The following KIRREL3 variants were observed in gnomAD, a reference collection of about 807,000 sequenced individuals.
KIRREL3 encodes kin of IRRE-like protein 3.
KIRREL3 carries 36 observed loss-of-function variants against 89.7 expected under a neutral mutation model. That is an observed-to-expected ratio of 0.40 (90% CI 0.31 to 0.53). The LOEUF is 0.53. Ranked by LOEUF, KIRREL3 falls within the 20% of genes least tolerant of loss-of-function variation. The probability of loss-of-function intolerance (pLI) is 0.49; values close to 1 mark genes in which losing one functional copy is unlikely to be tolerated. For missense variants in KIRREL3, 864 were observed against 1,056.6 expected (o/e 0.82, Z 2.53); for synonymous variants, 445 against 441.4 (o/e 1.01, Z -0.10).
At chr11:126,503,541 G>C (rs1039708322) in intron 4 of KIRREL3, among the ~76,000 whole-genome samples, 46 of 152,296 alleles carry the variant, frequency 3.0e-4, no homozygotes, top group African/African-American at 1.1e-3. Flanking sequence ...CCATGGGGAA[G>C]GAACCCAACC....
rs781644014 is a variant in KIRREL3 at position 126,987,634 on chromosome 11, C to T, written c.55+12821G>A. Among the ~76,000 whole-genome samples the T allele has an allele frequency of 6.6e-6, 1 of 152,182 alleles. No individual in the cohort carries two copies. The highest frequency in any genetic ancestry group is 1.5e-5 in the Non-Finnish European group (1 of 68,030). On this transcript the variant is annotated intron_variant, in intron 1 of 16. Transcript: ENST00000525144. This position sits in a 1 kb window ranked among gnomAD's most constrained non-coding sequence, Gnocchi z 4.6. Reference sequence around the variant, plus strand: ...AGGAGCATTGATATGGATTTGGAACCCAGGCATCAGCTGCCAAGGCTCTGT... The same window carrying T: ...AGGAGCATTGATATGGATTTGGAACTCAGGCATCAGCTGCCAAGGCTCTGT...
In KIRREL3 at chr11:126,908,285, A is replaced by G. The variant is rs527591999; in HGVS notation, c.55+92170T>C. 9.8e-5 allele frequency among the ~76,000 whole-genome samples: 15 copies of G among 152,336 alleles called. No homozygotes were observed. Among genetic ancestry groups the G allele is most frequent in the Middle Eastern group, 3.4e-3 (1 of 294 alleles). ...TTTGACATTCATGGATGCCAAGACT[A>G]AGAGATTTTTATGATCATTTTGTCC... On this transcript the variant is annotated intron_variant, in intron 1 of 16. Coordinates refer to ENST00000525144, the MANE Select transcript of KIRREL3 (RefSeq NM_032531.4). This position sits in a 1 kb window ranked among gnomAD's most constrained non-coding sequence, Gnocchi z 4.2.
rs766582578 is a variant in KIRREL3, at chr11:126,797,077, G to A, written c.55+203378C>T. 5.9e-5 allele frequency among the ~76,000 whole-genome samples: 9 copies of A among 152,170 alleles called. No homozygotes were observed. The highest frequency in any genetic ancestry group is 9.6e-5 in the African/African-American group (4 of 41,454). ...AGGAGCTGTCTGTTGCGGGAGGGAA[G>A]AAGAAGCCTCATTCAGATCCCCCAG... On this transcript the variant is annotated intron_variant, in intron 1 of 16. Transcript: ENST00000525144. This position sits in a 1 kb window ranked among gnomAD's most constrained non-coding sequence, Gnocchi z 4.9.
intron 1 of KIRREL3, among the ~76,000 whole-genome samples, chr11:126,982,861 G>A (rs1949755616): frequency 6.6e-6 from 1 of 152,194 alleles, no homozygotes; most frequent in Admixed American, 6.5e-5. Context: ...GACAGGAGGA[G>A]GCCAAGGTCT....
At chr11:126,599,952 A>G (rs531340608) in intron 1 of KIRREL3, among the ~76,000 whole-genome samples, 1 of 152,160 alleles carries the variant, frequency 6.6e-6, no homozygotes, top group Non-Finnish European at 1.5e-5. Context: ...CCTTCCCTTG[A>G]GTATGGGCTA....
Position 126,978,635 on chromosome 11 carries a change from G to C in KIRREL3, c.55+21820C>G, listed in dbSNP as rs917450185. ...GTCTACGTTCTCCCATGCTTCCCAG[G>C]CTTTAGCACCTGCTACTCCCTCTTC... On this transcript the variant is annotated intron_variant, in intron 1 of 16. Coordinates refer to ENST00000525144, the MANE Select transcript of KIRREL3 (RefSeq NM_032531.4). The surrounding 1 kb of genome is among the most constrained non-coding windows in gnomAD (Gnocchi z 4.2). 8.6e-5 allele frequency among the ~76,000 whole-genome samples: 13 copies of C among 152,036 alleles called. No homozygotes were observed. Among genetic ancestry groups the C allele is most frequent in the African/African-American group, 3.1e-4 (13 of 41,392 alleles).
chr11:126,695,789 G>A (rs1947070142), intron 1 of KIRREL3, among the ~76,000 whole-genome samples: 1 of 152,188 alleles, frequency 6.6e-6, no homozygotes, highest in Admixed American at 6.5e-5. Context: ...GATTCCTGAA[G>A]AATCTTCCTT....
intron 1 of KIRREL3, among the ~76,000 whole-genome samples, chr11:126,581,749 G>C (rs928108357): frequency 7.2e-5 from 11 of 152,116 alleles, no homozygotes; most frequent in Admixed American, 6.5e-4. Flanking sequence ...ACCATGTCCT[G>C]TAATAGACAG....
rs77160144 is a variant in KIRREL3, at chr11:126,838,603, A to G, written c.55+161852T>C. 8.5e-5 allele frequency among the ~76,000 whole-genome samples: 13 copies of G among 152,360 alleles called. No individual in the cohort carries two copies. In the East Asian group the frequency reaches 2.5e-3, roughly 29 times the overall value. Reference sequence around the variant, plus strand: ...GTGTGATTCTCAAAACCCTGAGTCCATATTCAGCATGGAGTATGAGTTCAA... The same window carrying G: ...GTGTGATTCTCAAAACCCTGAGTCCGTATTCAGCATGGAGTATGAGTTCAA... On this transcript the variant is annotated intron_variant, in intron 1 of 16. Transcript: ENST00000525144.
At chr11:126,803,127 G>C (rs1338072214) in intron 1 of KIRREL3, among the ~76,000 whole-genome samples, 2 of 152,226 alleles carry the variant, frequency 1.3e-5, no homozygotes, top group Non-Finnish European at 2.9e-5. Context: ...GCAGTGCCCA[G>C]TCTGAGGGGT....
chr11:126,711,551 G>C (rs1592000966), intron 1 of KIRREL3, among the ~76,000 whole-genome samples: 1 of 152,168 alleles, frequency 6.6e-6, no homozygotes, highest in East Asian at 1.9e-4. Flanking sequence ...GACAGAGCAA[G>C]ACTCCGTCTC....
chr11:126,452,844 G>A (rs1381128757), intron 7 of KIRREL3, among the ~76,000 whole-genome samples: 9 of 152,084 alleles, frequency 5.9e-5, no homozygotes, highest in Non-Finnish European at 1.0e-4. Flanking sequence ...CTCACATCTC[G>A]CCCAGCCGGT....
chr11:126,621,079 A>G (rs1396346545), intron 1 of KIRREL3, among the ~76,000 whole-genome samples: 1 of 152,192 alleles, frequency 6.6e-6, no homozygotes, highest in African/African-American at 2.4e-5. Context: ...CATTGCAGTT[A>G]ATTTTGGCAC....
intron 1 of KIRREL3, among the ~76,000 whole-genome samples, chr11:126,885,558 C>T (rs999629810): frequency 3.9e-5 from 6 of 152,118 alleles, no homozygotes; most frequent in African/African-American, 1.4e-4. Context: ...TCATCATTGT[C>T]AACCTCATCA....
At chr11:126,698,140 GC>G (rs1435865738) in intron 1 of KIRREL3, among the ~76,000 whole-genome samples, 1 of 152,172 alleles carries the variant, frequency 6.6e-6, no homozygotes, top group African/African-American at 2.4e-5. Flanking sequence ...CTAATTGTCT[GC>G]CCACACTAAT....
At chr11:126,774,304 G>C (rs929327412) in intron 1 of KIRREL3, among the ~76,000 whole-genome samples, 1 of 151,978 alleles carries the variant, frequency 6.6e-6, no homozygotes, top group Admixed American at 6.6e-5. Context: ...GAAGAAGGGG[G>C]AAAGAACTCC....
Position 126,811,646 on chromosome 11 carries a change from G to T in KIRREL3, c.55+188809C>A, listed in dbSNP as rs1951392168. Among the ~76,000 whole-genome samples the T allele has an allele frequency of 6.6e-6, 1 of 152,104 alleles. No homozygotes were observed. Among genetic ancestry groups the T allele is most frequent in the African/African-American group, 2.4e-5 (1 of 41,406 alleles). The stretch of plus-strand genomic sequence containing the variant: ...TTGTCACCCAGGCTGGTGTGGAATG[G>T]CATGATCTCAGCTCATTGCAACCTC... On this transcript the variant is annotated intron_variant, in intron 1 of 16. Transcript: ENST00000525144. This position sits in a 1 kb window ranked among gnomAD's most constrained non-coding sequence, Gnocchi z 4.3.
chr11:126,716,126 G>C (rs751893285), intron 1 of KIRREL3, among the ~76,000 whole-genome samples: 1 of 151,886 alleles, frequency 6.6e-6, no homozygotes, highest in Non-Finnish European at 1.5e-5. Context: ...GGAGACAGGA[G>C]GGGAGAAGGA....
chr11:126,868,347 A>G (rs971805556), intron 1 of KIRREL3, among the ~76,000 whole-genome samples: 1 of 152,144 alleles, frequency 6.6e-6, no homozygotes, highest in Non-Finnish European at 1.5e-5. Flanking sequence ...GACCCCGTAG[A>G]TCGATGTGGG....
Sources: allele counts gnomAD v4.1 joint callset (sites outside exome capture counted in the v4.1 genomes callset), GRCh38; gene constraint gnomAD v4.1.1; non-coding constraint Gnocchi (gnomAD v3.1); transcripts MANE v1.5; gene names NCBI Gene and HGNC (gene_info 2026-07-23, HGNC 2026-07-21).